ZNF512B: variants seen among roughly 807,000 people sequenced by gnomAD.
ZNF512B encodes the protein zinc finger protein 512B.
Under a neutral mutation model 87.8 loss-of-function variants are expected in ZNF512B, and 22 were observed. That is an observed-to-expected ratio of 0.25 (90% CI 0.18 to 0.36). The LOEUF (loss-of-function observed/expected upper bound fraction) is 0.36. Ranked by LOEUF, ZNF512B falls within the 10% of genes least tolerant of loss-of-function variation. ZNF512B has a pLI of 1.00. For missense variants in ZNF512B, 1,060 were observed against 1,231.6 expected (o/e 0.86, Z 2.09); for synonymous variants, 524 against 490.9 (o/e 1.07, Z -0.89).
chr20:63,960,351 C>G (rs1451229633), intron 16 of ZNF512B, among the ~76,000 whole-genome samples: 19 of 138,722 alleles, frequency 1.4e-4, no homozygotes, highest in Non-Finnish European at 4.6e-5. Context: ...GGGCTGGACA[C>G]AGCCTTCGGG....
At chr20:63,963,044 C>T (rs1447402732) in intron 12 of ZNF512B, 51 bp downstream of exon 12, 2 of 1,489,064 alleles carry the variant, frequency 1.3e-6, no homozygotes, top group Admixed American at 2.1e-5. Flanking sequence ...ACACGGAACA[C>T]ACACGGCACA....
rs1191406849 is a variant in ZNF512B, at chr20:63,959,839, C to T, written c.*49G>A. Reference sequence around the variant, plus strand: ...GTCCCGGAGCTGGCCCTGCCTTGAACAGAGGGCGGTGTGGCGGCTGCATGG... The same window carrying T: ...GTCCCGGAGCTGGCCCTGCCTTGAATAGAGGGCGGTGTGGCGGCTGCATGG... On this transcript the variant is annotated 3_prime_UTR_variant, in exon 17 of 17. Coordinates refer to ENST00000369888, the MANE Select transcript of ZNF512B (RefSeq NM_020713.3). 1.3e-6 allele frequency: 2 copies of T among 1,518,306 alleles called. No homozygotes were observed. Among genetic ancestry groups the T allele is most frequent in the Non-Finnish European group, 1.7e-6 (2 of 1,143,810 alleles). The allele number at this position is 1,518,306 out of a possible 1,614,324, so 94.1% of individuals were successfully genotyped here. A position where few individuals can be genotyped will look rare whatever the true frequency, so the allele number is the denominator to read the frequency against.
rs1265633809 is a variant in ZNF512B, at chr20:63,960,142, G to A, written c.2428-3C>T. 7 of 1,613,392 alleles carry A rather than the reference G, an allele frequency of 4.3e-6. No homozygotes were observed. The highest frequency in any genetic ancestry group is 5.9e-6 in the Non-Finnish European group (7 of 1,179,816). On this transcript the variant is annotated splice_polypyrimidine_tract_variant and splice_region_variant and intron_variant, in intron 16 of 16. Coordinates refer to ENST00000369888, the MANE Select transcript of ZNF512B (RefSeq NM_020713.3). ...TCTGCTGATGTTCGGAACCAGTTCT[G>A]GGGAGAGAAAAGCGCTGATGAAGAC...
chr20:63,964,877 T>C (rs2058906330), intron 5 of ZNF512B, among the ~76,000 whole-genome samples, 161 bp from the exon 6 acceptor site: 1 of 73,406 alleles, frequency 1.4e-5, no homozygotes, highest in Non-Finnish European at 2.8e-5. Context: ...TTCTTACCAC[T>C]GTTCCCTGAC....
rs1265028224 is a variant in ZNF512B at position 63,961,972 on chromosome 20, T to C, written c.2298A>G (p.Gly766=). 9 of 1,550,768 alleles carry C rather than the reference T, an allele frequency of 5.8e-6. No individual in the cohort carries two copies. The Admixed American group carries it at 9.8e-5, about 17-fold the overall frequency. ...CCEAIYSSVS[G]LKAHLASCSK... ...TGCAGCTGGCGAGATGAGCCTTGAG[T>C]CCGGACACGCTGGAGTAGATGGCTT... The change falls in exon 15 of 17, where the codon GGA becomes GGG. Residue 766 remains glycine (G), a synonymous_variant. Transcript: ENST00000369888. The surrounding 1 kb of genome is among the most constrained non-coding windows in gnomAD (Gnocchi z 6.4).
At chr20:63,960,723 G>A (rs1471851574) in intron 16 of ZNF512B, among the ~76,000 whole-genome samples, 2 of 138,620 alleles carry the variant, frequency 1.4e-5, no homozygotes, top group African/African-American at 2.7e-5. Flanking sequence ...ACCTGCAGGG[G>A]GCTGGACACA....
chr20:63,963,504 C>A, intron 10 of ZNF512B, 64 bp from the exon 11 acceptor site: 1 of 1,561,594 alleles, frequency 6.4e-7, no homozygotes, highest in South Asian at 1.1e-5. Flanking sequence ...CTGGCCCCGC[C>A]CCGCCCAGGT....
Position 63,962,571 on chromosome 20 carries a change from G to C in ZNF512B, c.2163+16C>G, listed in dbSNP as rs757586186. On this transcript the variant is annotated intron_variant, in intron 13 of 16. Coordinates refer to ENST00000369888, the MANE Select transcript of ZNF512B (RefSeq NM_020713.3). ...AGGCCACGGCGCTGTCCACAGCCCT[G>C]GGGGGGGCAGCTCACCCGTGCGGTC... The C allele has an allele frequency of 1.9e-6, 3 of 1,589,756 alleles. No individual in the cohort carries two copies. Among genetic ancestry groups the C allele is most frequent in the African/African-American group, 1.4e-5 (1 of 74,008 alleles).
Position 63,966,908 on chromosome 20 carries a change from C to A in ZNF512B, c.361G>T (p.Gly121Trp). 6.2e-7 allele frequency: 1 copy of A among 1,613,802 alleles called. No homozygotes were observed. The highest frequency in any genetic ancestry group is 8.5e-7 in the Non-Finnish European group (1 of 1,180,014). The change falls in exon 4 of 17, where the codon GGG (glycine) becomes TGG (tryptophan). Residue 121 changes from glycine (G) to tryptophan (W), a missense_variant. Coordinates refer to ENST00000369888, the MANE Select transcript of ZNF512B (RefSeq NM_020713.3). ...GCWLEFPSIY[G>W]LKYHYQRCQG... ...CACCGCTGGTAATGGTACTTGAGCC[C>A]GTAGATGCTGGGGAACTCCAGCCAG...
Position 63,964,232 on chromosome 20 carries a change from G to C in ZNF512B, c.1334-15C>G, listed in dbSNP as rs762713516. On this transcript the variant is annotated splice_polypyrimidine_tract_variant and intron_variant, in intron 7 of 16. Coordinates refer to ENST00000369888, the MANE Select transcript of ZNF512B (RefSeq NM_020713.3). ...TTTGACCAGGCCTGTGTGCACACAT[G>C]GGGTGGAGAGAAACAGGGATGGGCT... 1.9e-6 allele frequency: 3 copies of C among 1,607,698 alleles called. No individual in the cohort carries two copies. Among genetic ancestry groups the C allele is most frequent in the East Asian group, 2.2e-5 (1 of 44,816 alleles).
chr20:63,964,101 C>A lies in ZNF512B; in HGVS notation c.1450G>T (p.Ala484Ser). 6.2e-7 allele frequency: 1 copy of A among 1,610,030 alleles called. No individual in the cohort carries two copies. Among genetic ancestry groups the A allele is most frequent in the Non-Finnish European group, 8.5e-7 (1 of 1,179,332 alleles). Residue 484 changes from alanine to serine, a missense_variant, in exon 8 of 17, where the codon GCA (alanine) becomes TCA (serine). Physicochemically the swap from Ala to Ser is moderately conservative, Grantham distance 99. Coordinates refer to ENST00000369888, the MANE Select transcript of ZNF512B (RefSeq NM_020713.3). ...GCTGGGTGGGCCACAGGGGCCGGTG[C>A]CTCCTTGCTGACAGTGATGGGGGCA... ...PAAPITVSKE[A>S]PAPVAHPAPG...
rs2058861557 is a variant in ZNF512B, at chr20:63,962,295, C to G, written c.2243G>C (p.Gly748Ala). The change falls in exon 14 of 17, where the codon GGC becomes GCC. Residue 748 changes from glycine (G) to alanine (A), a missense_variant. By Grantham distance (60) the Gly-to-Ala change is moderately conservative (BLOSUM62 0). Transcript: ENST00000369888. ...EAWKNEVKEKGHVNCPNDCCE... is the reference protein window; with the variant it reads ...EAWKNEVKEKAHVNCPNDCCE... ...CACGTCGTTGGGACAGTTGACGTGG[C>G]CTTTCTCCTTCACTTCATTCTTCCA... is the stretch of plus-strand genomic sequence containing the variant. 1 of 1,612,314 alleles carries G rather than the reference C, an allele frequency of 6.2e-7. No homozygotes were observed. The highest frequency in any genetic ancestry group is 8.5e-7 in the Non-Finnish European group (1 of 1,179,912).
Position 63,959,865 on chromosome 20 carries a change from G to T in ZNF512B, c.*23C>A. 6.5e-7 allele frequency: 1 copy of T among 1,533,090 alleles called. No individual in the cohort carries two copies. The highest frequency in any genetic ancestry group is 8.7e-7 in the Non-Finnish European group (1 of 1,149,204). 95.0% of individuals were successfully genotyped at this position (1,533,090 alleles called of 1,614,324 possible). A position where few individuals can be genotyped will look rare whatever the true frequency, so the allele number is the denominator to read the frequency against. On this transcript the variant is annotated 3_prime_UTR_variant, in exon 17 of 17. Coordinates refer to ENST00000369888, the MANE Select transcript of ZNF512B (RefSeq NM_020713.3). Reference sequence around the variant, plus strand: ...AGAGGGCGGTGTGGCGGCTGCATGGGGGCCAGGCCCCACGCACCATGCTCA... The same window carrying T: ...AGAGGGCGGTGTGGCGGCTGCATGGTGGCCAGGCCCCACGCACCATGCTCA...
chr20:63,967,045 C>T (rs760917707), intron 3 of ZNF512B, 41 bp from the exon 4 acceptor site: 16 of 1,609,830 alleles, frequency 9.9e-6, no homozygotes, highest in Middle Eastern at 1.8e-4. Context: ...CCGCAGCCAC[C>T]TGGGCCACTG....
rs1463599033 is a variant in ZNF512B, at chr20:63,969,046, TGAGGTCA to T, written c.-3+761_-3+767del. 3 of 899,502 alleles carry T rather than the reference TGAGGTCA, an allele frequency of 3.3e-6. No homozygotes were observed. In the African/African-American group the frequency reaches 5.4e-5, roughly 16 times the overall value. The allele number at this position is 899,502 out of a possible 1,614,324, so 55.7% of individuals were successfully genotyped here. On this transcript the variant is annotated intron_variant, in intron 1 of 16. Coordinates refer to ENST00000369888, the MANE Select transcript of ZNF512B (RefSeq NM_020713.3). ...GCTGTGTCCAGGAGGGCCAGAGAGCTGAGGTCAGAGGTCAGGACAGTCACTGCCCATT... is the reference window on the plus strand; with the variant it reads ...GCTGTGTCCAGGAGGGCCAGAGAGCTGAGGTCAGGACAGTCACTGCCCATT...
Position 63,961,962 on chromosome 20 carries a change from G to A in ZNF512B, c.2308C>T (p.His770Tyr). The part of the protein sequence containing the change: ...IYSSVSGLKA[H>Y]LASCSKGAHL... ...CTGACCTTACTGCAGCTGGCGAGAT[G>A]AGCCTTGAGTCCGGACACGCTGGAG... Residue 770 changes from histidine (H) to tyrosine (Y), a missense_variant, in exon 15 of 17, where the codon CAT (histidine) becomes TAT (tyrosine). His to Tyr is a moderately conservative substitution (Grantham distance 83). Transcript: ENST00000369888. This position sits in a 1 kb window ranked among gnomAD's most constrained non-coding sequence, Gnocchi z 6.4. 6.4e-7 allele frequency: 1 copy of A among 1,551,128 alleles called. No individual in the cohort carries two copies. The highest frequency in any genetic ancestry group is 1.2e-5 in the South Asian group (1 of 84,068).
In ZNF512B at chr20:63,962,790, C is replaced by T; in HGVS notation, c.1969-9G>A. 2 of 1,588,528 alleles carry T rather than the reference C, an allele frequency of 1.3e-6. No homozygotes were observed. The highest frequency in any genetic ancestry group is 1.1e-5 in the South Asian group (1 of 88,926). On this transcript the variant is annotated splice_polypyrimidine_tract_variant and intron_variant, in intron 12 of 16. Coordinates refer to ENST00000369888, the MANE Select transcript of ZNF512B (RefSeq NM_020713.3). Reference sequence around the variant, plus strand: ...GTGGGCTCCTCAGGGGGCTGGAGGGCAGGAAGGCATGGAGGCTAGAGTGAG... The same window carrying T: ...GTGGGCTCCTCAGGGGGCTGGAGGGTAGGAAGGCATGGAGGCTAGAGTGAG...
At chr20:63,968,741 CACT>C (rs1378667132) in intron 1 of ZNF512B, among the ~76,000 whole-genome samples, 1 of 152,248 alleles carries the variant, frequency 6.6e-6, no homozygotes, top group Non-Finnish European at 1.5e-5. Context: ...ACAGACCCAC[CACT>C]ACCACTTCAG....
In ZNF512B at chr20:63,962,480, G is replaced by A. The variant is rs2058864067; in HGVS notation, c.2164-106C>T. 6 of 1,547,758 alleles carry A rather than the reference G, an allele frequency of 3.9e-6. No homozygotes were observed. In the South Asian group the frequency reaches 5.7e-5, roughly 15 times the overall value. ...GCGACACTCGCCGCAGATGGCGGGG[G>A]CAGCGGGTGGCCCAGGTCACAGCAG... On this transcript the variant is annotated intron_variant, in intron 13 of 16. Coordinates refer to ENST00000369888, the MANE Select transcript of ZNF512B (RefSeq NM_020713.3).
Sources: allele counts gnomAD v4.1 joint callset (sites outside exome capture counted in the v4.1 genomes callset), GRCh38; gene constraint gnomAD v4.1.1; non-coding constraint Gnocchi (gnomAD v3.1); transcripts MANE v1.5; gene names NCBI Gene and HGNC (gene_info 2026-07-23, HGNC 2026-07-21).